The following MCPH1 variants were observed in gnomAD, a reference collection of about 807,000 sequenced individuals.
MCPH1 encodes the protein microcephalin.
Under a neutral mutation model 84.5 loss-of-function variants are expected in MCPH1, and 104 were observed. That is an observed-to-expected ratio of 1.23 (90% CI 1.05 to 1.45). The LOEUF (loss-of-function observed/expected upper bound fraction) is 1.45, where lower values mean the gene tolerates loss of function less well. MCPH1 is among the 40% of genes most tolerant of loss of function. The probability of loss-of-function intolerance (pLI) is 0.00; values close to 1 mark genes in which losing one functional copy is unlikely to be tolerated. For synonymous variants in MCPH1, 514 were observed against 366.8 expected, an observed-to-expected ratio of 1.40 and a Z score of -4.58; for missense variants, 1,498 against 1,005.7, an observed-to-expected ratio of 1.49 and a Z score of -6.62.
intron 2 of MCPH1, 121 bp downstream of exon 2, chr8:6,409,491 G>A (rs778509331): frequency 2.5e-6 from 2 of 790,140 alleles, no homozygotes; most frequent in Admixed American, 2.0e-5. Flanking sequence ...TGGGTAAGCG[G>A]TGGGAGAAAA....
chr8:6,571,202 T>C (rs1826635410), intron 12 of MCPH1, among the ~76,000 whole-genome samples: 1 of 152,214 alleles, frequency 6.6e-6, no homozygotes, highest in African/African-American at 2.4e-5. Context: ...TGAGTACATT[T>C]GCCTGATAAT....
chr8:6,632,725 C>T (rs1044020634), intron 13 of MCPH1, among the ~76,000 whole-genome samples: 1 of 152,116 alleles, frequency 6.6e-6, no homozygotes, highest in South Asian at 2.1e-4. Context: ...AGGAGAATCA[C>T]TTAAACCTGG....
chr8:6,546,606 A>C (rs923484350), intron 12 of MCPH1, among the ~76,000 whole-genome samples: 2 of 152,178 alleles, frequency 1.3e-5, no homozygotes, highest in African/African-American at 4.8e-5. Flanking sequence ...TCAGAACATA[A>C]ATACTTAAAT....
At chr8:6,442,384 A>G (rs565948209) in intron 7 of MCPH1, among the ~76,000 whole-genome samples, 2 of 152,306 alleles carry the variant, frequency 1.3e-5, no homozygotes, top group South Asian at 4.1e-4. Context: ...TTCTTGCTAC[A>G]GAATCCATTG....
intron 11 of MCPH1, among the ~76,000 whole-genome samples, chr8:6,489,539 C>T (rs2920675): frequency 0.11 from 16,400 of 152,172 alleles, 2,359 homozygotes; most frequent in African/African-American, 0.33. Flanking sequence ...ATGACTAAGA[C>T]AGTTGAAGAG....
At chr8:6,424,842 T>A (rs1031932841) in intron 3 of MCPH1, among the ~76,000 whole-genome samples, 15 of 152,256 alleles carry the variant, frequency 9.9e-5, no homozygotes, top group African/African-American at 3.6e-4. Context: ...TGTTCTTCCT[T>A]GTGTGTCAGG....
intron 12 of MCPH1, among the ~76,000 whole-genome samples, chr8:6,540,868 G>A (rs1319783542): frequency 2.6e-5 from 4 of 152,248 alleles, no homozygotes; most frequent in South Asian, 4.1e-4. Context: ...GGCGGCCACC[G>A]CCGCGCTGGC....
intron 3 of MCPH1, among the ~76,000 whole-genome samples, chr8:6,416,716 G>C (rs983606777): frequency 6.6e-6 from 1 of 152,134 alleles, no homozygotes; most frequent in African/African-American, 2.4e-5. Context: ...GGAACAGGCC[G>C]GATGCGGTGG....
At chr8:6,571,638 G>A (rs550958117) in intron 12 of MCPH1, among the ~76,000 whole-genome samples, 1 of 152,140 alleles carries the variant, frequency 6.6e-6, no homozygotes, top group African/African-American at 2.4e-5. Flanking sequence ...TGTCATATGT[G>A]CTATTTACAT....
At chr8:6,522,241 G>A (rs1056588599) in intron 12 of MCPH1, among the ~76,000 whole-genome samples, 1 of 152,090 alleles carries the variant, frequency 6.6e-6, no homozygotes, top group Non-Finnish European at 1.5e-5. Context: ...TGTAGTCACA[G>A]CTACTCTGGA....
At chr8:6,413,270 T>TATC (rs3043837) in intron 2 of MCPH1, among the ~76,000 whole-genome samples, 147,803 of 151,988 alleles carry the variant, frequency 0.97, 71,997 homozygotes, top group East Asian at 1. Flanking sequence ...AGTTGTCACT[T>TATC]ATTGTTTGCA....
chr8:6,521,443 G>C, intron 12 of MCPH1: 2 of 1,420,568 alleles, frequency 1.4e-6, no homozygotes, highest in South Asian at 1.2e-5. Flanking sequence ...GTTAGTGAAG[G>C]CTATTCTAAT....
chr8:6,483,693 C>G (rs769909941), intron 11 of MCPH1, among the ~76,000 whole-genome samples: 3 of 152,146 alleles, frequency 2.0e-5, no homozygotes, highest in Non-Finnish European at 4.4e-5. Flanking sequence ...AACCCCGTCT[C>G]TACCAAAAAT....
intron 4 of MCPH1, among the ~76,000 whole-genome samples, chr8:6,435,044 A>C (rs1254919410): frequency 6.6e-6 from 1 of 152,146 alleles, no homozygotes; most frequent in Non-Finnish European, 1.5e-5. Context: ...GAGGATGGTT[A>C]AGAGTAGAGT....
At chr8:6,538,007 T>C (rs1010371927) in intron 12 of MCPH1, among the ~76,000 whole-genome samples, 4 of 152,230 alleles carry the variant, frequency 2.6e-5, no homozygotes. Flanking sequence ...AATTTTCTGG[T>C]AAATTAACAA....
At chr8:6,465,957 A>ATCCG (rs1180333343) in intron 9 of MCPH1, among the ~76,000 whole-genome samples, 2 of 149,426 alleles carry the variant, frequency 1.3e-5, no homozygotes, top group Non-Finnish European at 3.0e-5. Flanking sequence ...GCATCCATCC[A>ATCCG]TCCATCCATC....
At chr8:6,491,459 A>AT (rs200623812) in intron 11 of MCPH1, among the ~76,000 whole-genome samples, 4 of 142,298 alleles carry the variant, frequency 2.8e-5, no homozygotes, top group South Asian at 2.2e-4. Context: ...CAGAACATGT[A>AT]TTTTTTTTTC....
intron 3 of MCPH1, among the ~76,000 whole-genome samples, chr8:6,422,266 A>G (rs763950136): frequency 5.3e-5 from 8 of 152,248 alleles, no homozygotes; most frequent in Non-Finnish European, 8.8e-5. Context: ...TTGTTCTAAC[A>G]AATTATGAAC....
chr8:6,529,497 G>T (rs899094304), intron 12 of MCPH1, among the ~76,000 whole-genome samples: 9 of 150,562 alleles, frequency 6.0e-5, no homozygotes, highest in Non-Finnish European at 1.2e-4. Flanking sequence ...TGTTGCCCAG[G>T]CTGCAGTGCG....
Sources: allele counts gnomAD v4.1 joint callset (sites outside exome capture counted in the v4.1 genomes callset), GRCh38; gene constraint gnomAD v4.1.1; transcripts MANE v1.5; gene names NCBI Gene and HGNC (gene_info 2026-07-23, HGNC 2026-07-21).